C10orf88: variants seen among roughly 807,000 people sequenced by gnomAD.
The protein encoded by C10orf88 is ATPase PAAT.
In C10orf88, 29 loss-of-function variants were observed where a neutral mutation model predicts 34.2. The observed-to-expected ratio is 0.85, with a 90% CI of 0.63 to 1.16. C10orf88 has a LOEUF of 1.16. C10orf88 is among the 50% of genes most tolerant of loss of function. The pLI is 0.00. For missense variants in C10orf88, 507 were observed against 533.2 expected, an observed-to-expected ratio of 0.95 and a Z score of 0.48; for synonymous variants, 194 against 197.4, an observed-to-expected ratio of 0.98 and a Z score of 0.15.
rs1848706796 is a variant in C10orf88 at position 122,953,025 on chromosome 10, G to T, written c.172C>A (p.Leu58Met). 1 of 1,610,350 alleles carries T rather than the reference G, an allele frequency of 6.2e-7. No homozygotes were observed. The highest frequency in any genetic ancestry group is 1.7e-5 in the Admixed American group (1 of 59,926). ...TTGTGGTTTCTCTTCAAAATCACCA[G>T]ATCCTGACTGAGAAGAAAATTGGTG... ...LLAPPAPGQD[L>M]VILKRNHNNK... is the part of the protein sequence containing the mutation. Residue 58 changes from leucine to methionine, a missense_variant, in exon 2 of 6, where the codon CTG becomes ATG. Coordinates refer to ENST00000481909, the MANE Select transcript of C10orf88 (RefSeq NM_024942.4).
Position 122,937,868 on chromosome 10 carries a change from A to G in C10orf88, c.940T>C (p.Ser314Pro). 1 of 1,613,374 alleles carries G rather than the reference A, an allele frequency of 6.2e-7. No homozygotes were observed. Among genetic ancestry groups the G allele is most frequent in the Non-Finnish European group, 8.5e-7 (1 of 1,179,458 alleles). ...TCACTTACTTTCTTTGGTAAGAAAGAGGCCATTGCATTTTTAAGATCATTT... is the reference window on the plus strand; with the variant it reads ...TCACTTACTTTCTTTGGTAAGAAAGGGGCCATTGCATTTTTAAGATCATTT... ...LENDLKNAMA[S>P]FLPKKVSDNS... Residue 314 changes from serine to proline, a missense_variant, in exon 5 of 6, where the codon TCT (serine) becomes CCT (proline). Ser to Pro is a moderately conservative substitution (Grantham distance 74). Coordinates refer to ENST00000481909, the MANE Select transcript of C10orf88 (RefSeq NM_024942.4).
chr10:122,936,231 A>T (rs1848532833), intron 5 of C10orf88, among the ~76,000 whole-genome samples: 1 of 151,932 alleles, frequency 6.6e-6, no homozygotes, highest in South Asian at 2.1e-4. Context: ...CTAAGTTGTC[A>T]AATTTATGAG....
chr10:122,953,891 A>G lies in C10orf88; in HGVS notation c.164+124T>C, dbSNP rs955148277. 7 of 729,578 alleles carry G rather than the reference A, an allele frequency of 9.6e-6. 1 individual carries two copies. The South Asian group carries it at 2.6e-4, about 28-fold the overall frequency. 45.2% of individuals were successfully genotyped at this position (729,578 alleles called of 1,614,324 possible). On this transcript the variant is annotated intron_variant, in intron 1 of 5. Transcript: ENST00000481909. ...GACCTCGCAGCTCCCCTCCCCAACT[A>G]GAGACCTGGTACCAACTGCTCTCCC...
intron 3 of C10orf88, 67 bp downstream of exon 3, chr10:122,951,887 G>T: frequency 1.0e-6 from 1 of 983,380 alleles, no homozygotes; most frequent in South Asian, 1.4e-5. Flanking sequence ...TAATCCAAAA[G>T]AAAACAAGCA....
chr10:122,941,975 C>A (rs914371825), intron 4 of C10orf88, among the ~76,000 whole-genome samples: 1 of 152,046 alleles, frequency 6.6e-6, no homozygotes, highest in African/African-American at 2.4e-5. Flanking sequence ...TATAGAATGA[C>A]AGCTGGAAAA....
chr10:122,953,957 C>T, intron 1 of C10orf88, 58 bp downstream of exon 1: 1 of 1,460,926 alleles, frequency 6.8e-7, no homozygotes, highest in Non-Finnish European at 9.0e-7. Flanking sequence ...CTCACAGCTC[C>T]CCTAGAAGCG....
chr10:122,945,078 A>ATATGTATATAGATATATG (rs1420497463), intron 4 of C10orf88, among the ~76,000 whole-genome samples: 1 of 151,056 alleles, frequency 6.6e-6, no homozygotes, highest in African/African-American at 2.4e-5. Context: ...ATGTATATAT[A>ATATGTATATAGATATATG]CGTATATATA....
At chr10:122,942,121 C>T (rs976766388) in intron 4 of C10orf88, among the ~76,000 whole-genome samples, 2 of 152,012 alleles carry the variant, frequency 1.3e-5, no homozygotes, top group Non-Finnish European at 2.9e-5. Context: ...TTCCTAGTGT[C>T]AAGATTTTAA....
intron 4 of C10orf88, among the ~76,000 whole-genome samples, chr10:122,940,661 C>T (rs994966817): frequency 3.3e-5 from 5 of 152,172 alleles, no homozygotes; most frequent in East Asian, 3.9e-4. Context: ...GATATGTCTA[C>T]ATGCCACTAT....
chr10:122,941,520 C>T (rs1848581162), intron 4 of C10orf88, among the ~76,000 whole-genome samples: 1 of 152,116 alleles, frequency 6.6e-6, no homozygotes. Flanking sequence ...TGTGTGATCA[C>T]ACCACTTACA....
At chr10:122,952,775 GA>G in intron 2 of C10orf88, 53 bp downstream of exon 2, 1 of 1,594,224 alleles carries the variant, frequency 6.3e-7, no homozygotes, top group Non-Finnish European at 8.6e-7. Flanking sequence ...CAAAAAGTGA[GA>G]AAAATCAAAA....
At chr10:122,951,765 C>G (rs1344982686) in intron 3 of C10orf88, among the ~76,000 whole-genome samples, 189 bp downstream of exon 3, 1 of 151,678 alleles carries the variant, frequency 6.6e-6, no homozygotes, top group African/African-American at 2.4e-5. Context: ...TGGGAGATGA[C>G]GTTGCAGTGA....
chr10:122,944,651 T>C (rs751550056), intron 4 of C10orf88, among the ~76,000 whole-genome samples: 67 of 152,146 alleles, frequency 4.4e-4, no homozygotes, highest in Non-Finnish European at 8.1e-4. Flanking sequence ...GGGCCAGGAA[T>C]CTGCATTTTG....
At chr10:122,940,612 G>A (rs1375333447) in intron 4 of C10orf88, among the ~76,000 whole-genome samples, 1 of 152,074 alleles carries the variant, frequency 6.6e-6, no homozygotes. Context: ...GAGCTCTTTA[G>A]ATGATCTTTT....
At position 122,937,857 on chromosome 10, in the gene C10orf88, T is replaced by C. The variant is rs755903805; in HGVS notation, c.951A>G (p.Pro317=). The part of the protein sequence containing the change: ...DLKNAMASFL[P]KKVSDNSNIP... ...TATTTGAGTTGTCACTTACTTTCTT[T>C]GGTAAGAAAGAGGCCATTGCATTTT... is the stretch of plus-strand genomic sequence containing the variant. Residue 317 remains proline, a synonymous_variant, in exon 5 of 6, where the codon CCA becomes CCG. Coordinates refer to ENST00000481909, the MANE Select transcript of C10orf88 (RefSeq NM_024942.4). The C allele has an allele frequency of 1.2e-6, 2 of 1,613,304 alleles. No individual in the cohort carries two copies. Among genetic ancestry groups the C allele is most frequent in the South Asian group, 1.1e-5 (1 of 91,058 alleles).
At position 122,932,454 on chromosome 10, in the gene C10orf88, T is replaced by C. The variant is rs1564718887; in HGVS notation, c.1311A>G (p.Gly437=). 9 of 1,613,434 alleles carry C rather than the reference T, an allele frequency of 5.6e-6. No individual in the cohort carries two copies. Among genetic ancestry groups the C allele is most frequent in the African/African-American group, 1.3e-5 (1 of 75,042 alleles). Residue 437 remains glycine, a synonymous_variant, in exon 6 of 6, where the codon GGA becomes GGG. Coordinates refer to ENST00000481909, the MANE Select transcript of C10orf88 (RefSeq NM_024942.4). ...ATCTTTCTCCATTTGAAAGTCTTTC[T>C]CCAGAGTCATAATGTCTTAGAGGTA... ...TGIPLRHYDS[G]ERLSNGER is the part of the protein sequence containing the mutation.
Position 122,952,897 on chromosome 10 carries a change from T to G in C10orf88, c.300A>C (p.Glu100Asp), listed in dbSNP as rs899800871. Residue 100 changes from glutamate to aspartate, a missense_variant, in exon 2 of 6, where the codon GAA becomes GAC. By Grantham distance (45) the Glu-to-Asp change is conservative. Transcript: ENST00000481909. ...CACAGTACTCCTCTCCTAAGTACAC[T>G]TCCATATTTCTTGCTGAACTTAAAA... The part of the protein sequence containing the change: ...IGILSSARNM[E>D]VYLGEEYCGT... 2.5e-6 allele frequency: 4 copies of G among 1,614,186 alleles called. No individual in the cohort carries two copies. Among genetic ancestry groups the G allele is most frequent in the Non-Finnish European group, 3.4e-6 (4 of 1,180,016 alleles).
chr10:122,938,092 C>T lies in C10orf88; in HGVS notation c.716G>A (p.Gly239Glu), dbSNP rs760744664. The stretch of plus-strand genomic sequence containing the variant: ...TCCTAAGGTAGATGAGGATTGTAGT[C>T]CAATCATATGCTTGTATCCAGAATT... Reference protein sequence around the residue: ...LGNSGYKHMIGLQSSSTLGTL... With the variant: ...LGNSGYKHMIELQSSSTLGTL... The change falls in exon 5 of 6, where the codon GGA becomes GAA. Residue 239 changes from glycine (G) to glutamate (E), a missense_variant. Physicochemically the swap from Gly to Glu is moderately conservative, Grantham distance 98. Transcript: ENST00000481909. 14 of 1,612,884 alleles carry T rather than the reference C, an allele frequency of 8.7e-6. No individual in the cohort carries two copies. The highest frequency in any genetic ancestry group is 1.2e-5 in the Non-Finnish European group (14 of 1,179,222).
chr10:122,948,546 A>T, intron 4 of C10orf88, 103 bp downstream of exon 4: 1 of 1,041,926 alleles, frequency 9.6e-7, no homozygotes, highest in Non-Finnish European at 1.4e-6. Context: ...GATAACAGTT[A>T]AATCAGTATG....
Sources: gnomAD v4.1 joint callset for allele counts (sites outside exome capture counted in the v4.1 genomes callset) on GRCh38, gnomAD v4.1.1 for gene constraint, MANE v1.5 for transcripts, NCBI Gene and HGNC (gene_info 2026-07-23, HGNC 2026-07-21) for gene names.